Variants in NXPE2 observed in about 807,000 individuals in gnomAD.
NXPE2 encodes NXPE family member 2.
A neutral mutation model predicts 34.4 loss-of-function variants in NXPE2; 34 were observed. The observed-to-expected ratio is 0.99, with a 90% CI of 0.75 to 1.31. The LOEUF is 1.31. Ranked by LOEUF, NXPE2 falls within the 40% of genes most tolerant of loss-of-function variation. The pLI, the probability that NXPE2 is intolerant of heterozygous loss-of-function variation, is 0.00. For synonymous variants in NXPE2, 235 were observed against 231.3 expected, an observed-to-expected ratio of 1.02 and a Z score of -0.15; for missense variants, 649 against 672.5, an observed-to-expected ratio of 0.97 and a Z score of 0.39.
the NXPE2 span, among the ~76,000 whole-genome samples, chr11:114,785,567 A>G: frequency 6.6e-6 from 1 of 152,134 alleles, no homozygotes; most frequent in Non-Finnish European, 1.5e-5. Context: ...CTTTAGCAAC[A>G]CTGTGTTCCA....
the NXPE2 span, among the ~76,000 whole-genome samples, chr11:114,764,319 G>A: frequency 5.2e-3 from 795 of 152,180 alleles, 32 homozygotes; most frequent in East Asian, 9.6e-3. Flanking sequence ...GGGCATGATA[G>A]TAGTATTACA....
intron 4 of NXPE2, among the ~76,000 whole-genome samples, chr11:114,704,722 C>T (rs1307231942): frequency 6.6e-6 from 1 of 152,148 alleles, no homozygotes; most frequent in Non-Finnish European, 1.5e-5. Context: ...TTGCTAAACC[C>T]TGTGGAGAAC....
the NXPE2 span, among the ~76,000 whole-genome samples, chr11:114,756,091 AT>A: frequency 6.6e-5 from 10 of 151,796 alleles, no homozygotes; most frequent in Non-Finnish European, 1.5e-4. Flanking sequence ...CATTTCTTTC[AT>A]TTTTTTTCCA....
At chr11:114,517,757 A>T in the NXPE2 span, 1 of 152,326 alleles carries the variant, frequency 6.6e-6, no homozygotes, top group South Asian at 2.1e-4. Flanking sequence ...GGGGTCAGGA[A>T]GTAAGGGGAG....
At chr11:114,558,879 T>C in the NXPE2 span, among the ~76,000 whole-genome samples, 1 of 152,192 alleles carries the variant, frequency 6.6e-6, no homozygotes, top group Non-Finnish European at 1.5e-5. Context: ...CATACAAAGT[T>C]TGTTTTCAGT....
the NXPE2 span, among the ~76,000 whole-genome samples, chr11:114,640,135 A>G: frequency 8.6e-6 from 1 of 115,790 alleles, no homozygotes; most frequent in South Asian, 2.6e-4. Context: ...GTAATATATT[A>G]TATATAATAT....
chr11:114,481,684 G>A, the NXPE2 span, among the ~76,000 whole-genome samples: 1,502 of 152,266 alleles, frequency 9.9e-3, 30 homozygotes, highest in African/African-American at 0.034. Context: ...CTGGTGCAGT[G>A]TAGAAATCTC....
intron 2 of NXPE2, among the ~76,000 whole-genome samples, chr11:114,688,186 T>A (rs551089576): frequency 6.6e-6 from 1 of 152,148 alleles, no homozygotes; most frequent in Non-Finnish European, 1.5e-5. Flanking sequence ...ATGCTTCCAG[T>A]TTTTGCCTGT....
chr11:114,669,963 C>A, the NXPE2 span, among the ~76,000 whole-genome samples: 1 of 151,946 alleles, frequency 6.6e-6, no homozygotes, highest in Non-Finnish European at 1.5e-5. Context: ...GGGTTAAGAG[C>A]AAGCTGGCAG....
the NXPE2 span, among the ~76,000 whole-genome samples, chr11:114,743,705 G>A: frequency 5.3e-5 from 8 of 151,666 alleles, no homozygotes; most frequent in Non-Finnish European, 8.8e-5. Flanking sequence ...GTCCTTTGCC[G>A]CCTTATCTAT....
the NXPE2 span, among the ~76,000 whole-genome samples, chr11:114,611,928 G>A: frequency 4.0e-5 from 6 of 150,122 alleles, no homozygotes; most frequent in South Asian, 2.1e-4. Flanking sequence ...AATTTTGCCC[G>A]GTGGGTAACC....
the NXPE2 span, among the ~76,000 whole-genome samples, chr11:114,633,223 T>C: frequency 1.5e-5 from 2 of 133,036 alleles, no homozygotes; most frequent in South Asian, 2.2e-4. Flanking sequence ...ACATTATATA[T>C]ATAAATATAT....
the NXPE2 span, among the ~76,000 whole-genome samples, chr11:114,515,738 T>TACCGGTATTTCAAA: frequency 9.2e-6 from 1 of 108,806 alleles, no homozygotes; most frequent in African/African-American, 5.0e-5. Flanking sequence ...AGGCTGTGGT[T>TACCGGTATTTCAAA]AGAAAGTAAG....
chr11:114,620,840 G>A, the NXPE2 span, among the ~76,000 whole-genome samples: 10 of 151,994 alleles, frequency 6.6e-5, 1 homozygote, highest in African/African-American at 9.7e-5. Flanking sequence ...AATAAGTGTT[G>A]CCTTGTGGGT....
At chr11:114,662,030 C>T in the NXPE2 span, among the ~76,000 whole-genome samples, 50 of 152,218 alleles carry the variant, frequency 3.3e-4, 1 homozygote, top group East Asian at 1.7e-3. Flanking sequence ...ACCTACCCCC[C>T]GCAAGGACAC....
the NXPE2 span, among the ~76,000 whole-genome samples, chr11:114,505,425 C>T: frequency 1.3e-5 from 2 of 152,064 alleles, no homozygotes; most frequent in African/African-American, 4.8e-5. Context: ...ATATGATCAT[C>T]AGATTCTCCA....
At chr11:114,474,844 C>A in the NXPE2 span, among the ~76,000 whole-genome samples, 375 of 152,194 alleles carry the variant, frequency 2.5e-3, 1 homozygote, top group African/African-American at 8.5e-3. Context: ...TGCATGATAG[C>A]AAGGACCATG....
At chr11:114,466,059 T>C in the NXPE2 span, among the ~76,000 whole-genome samples, 1 of 152,204 alleles carries the variant, frequency 6.6e-6, no homozygotes, top group Admixed American at 6.5e-5. Flanking sequence ...TTCAGGCGTA[T>C]AGGATTGTTC....
At chr11:114,679,608 T>C (rs1342415779) in intron 1 of NXPE2, 49 bp from the exon 2 acceptor site, 1 of 1,165,006 alleles carries the variant, frequency 8.6e-7, no homozygotes, top group Admixed American at 2.0e-5. Context: ...CGGAGCCATG[T>C]CGTACTTATT....
Sources: allele counts gnomAD v4.1 joint callset (sites outside exome capture counted in the v4.1 genomes callset), GRCh38; gene constraint gnomAD v4.1.1; transcripts MANE v1.5; gene names NCBI Gene and HGNC (gene_info 2026-07-23, HGNC 2026-07-21).